Variants in RPS18 observed in about 807,000 individuals in gnomAD.
RPS18 encodes the protein small ribosomal subunit protein uS13.
For synonymous variants in RPS18, 64 were observed against 70.9 expected, an observed-to-expected ratio of 0.90 and a Z score of 0.49; for missense variants, 49 against 200.8, an observed-to-expected ratio of 0.24 and a Z score of 4.57.
intron 2 of RPS18, 100 bp downstream of exon 2, chr6:33,272,826 C>T: frequency 1.3e-6 from 1 of 753,056 alleles, no homozygotes; most frequent in Non-Finnish European, 2.5e-6. Context: ...GAGTCTCATC[C>T]AGATCACCTT....
chr6:33,273,741 C>A (rs905684501), intron 2 of RPS18, among the ~76,000 whole-genome samples: 10 of 152,170 alleles, frequency 6.6e-5, no homozygotes, highest in Admixed American at 5.2e-4. Flanking sequence ...TATATCTCTT[C>A]CCACACCCAT....
chr6:33,275,187 C>G (rs1765542896), intron 2 of RPS18: 1 of 154,164 alleles, frequency 6.5e-6, no homozygotes, highest in Non-Finnish European at 1.5e-5. Context: ...CTCCTAAATG[C>G]AAGAATCAGA....
Position 33,276,207 on chromosome 6 carries a change from G to A in RPS18, c.323G>A (p.Arg108His). Residue 108 changes from arginine (R) to histidine (H), a missense_variant, in exon 5 of 6, where the codon CGT (arginine) becomes CAT (histidine). By Grantham distance (29) the Arg-to-His change is conservative. Transcript: ENST00000439602. Reference sequence around the variant, plus strand: ...GCCAATGGTCTGGACAACAAGCTCCGTGAAGACCTGGAGCGACTGAAGAAG... The same window carrying A: ...GCCAATGGTCTGGACAACAAGCTCCATGAAGACCTGGAGCGACTGAAGAAG... ...VLANGLDNKLREDLERLKKIR... is the reference protein window; with the variant it reads ...VLANGLDNKLHEDLERLKKIR... 6.2e-7 allele frequency: 1 copy of A among 1,614,112 alleles called. No homozygotes were observed. The highest frequency in any genetic ancestry group is 8.5e-7 in the Non-Finnish European group (1 of 1,180,012).
At chr6:33,274,564 A>C (rs1765502569) in intron 2 of RPS18, among the ~76,000 whole-genome samples, 1 of 152,230 alleles carries the variant, frequency 6.6e-6, no homozygotes, top group African/African-American at 2.4e-5. Context: ...CATATAAACT[A>C]AGCAGAAAAT....
intron 4 of RPS18, 36 bp downstream of exon 4, chr6:33,276,102 G>C: frequency 6.2e-7 from 1 of 1,606,552 alleles, no homozygotes; most frequent in Non-Finnish European, 8.5e-7. Flanking sequence ...TAGAGGAAGG[G>C]TGGAGGGTCC....
At position 33,276,350 on chromosome 6, in the gene RPS18, C is replaced by T. The variant is rs768634484; in HGVS notation, c.384-41C>T. On this transcript the variant is annotated intron_variant, in intron 5 of 5. Transcript: ENST00000439602. The stretch of plus-strand genomic sequence containing the variant: ...CTTCTTTTTCCCCAACCTTTTGTTT[C>T]TGCTGTGCATGACCTGTGACTCTTC... 5.6e-6 allele frequency: 9 copies of T among 1,609,428 alleles called. No individual in the cohort carries two copies. In the Admixed American group the frequency reaches 6.7e-5, roughly 12 times the overall value.
At chr6:33,273,254 T>C (rs546190105) in intron 2 of RPS18, among the ~76,000 whole-genome samples, 1 of 152,364 alleles carries the variant, frequency 6.6e-6, no homozygotes, top group Non-Finnish European at 1.5e-5. Flanking sequence ...CCTGTCGAAG[T>C]GTGAAGGAGT....
At position 33,275,873 on chromosome 6, in the gene RPS18, C is replaced by A; in HGVS notation, c.179C>A (p.Thr60Asn). Residue 60 changes from threonine (T) to asparagine (N), a missense_variant, in exon 3 of 6, where the codon ACT (threonine) becomes AAT (asparagine). Transcript: ENST00000439602. Reference protein sequence around the residue: ...IDLTKRAGELTEDEVERVITI... With the variant: ...IDLTKRAGELNEDEVERVITI... Reference sequence around the variant, plus strand: ...CTCACCAAGAGGGCGGGAGAACTCACTGAGGATGAGGTGAGGACAAGGAAG... The same window carrying A: ...CTCACCAAGAGGGCGGGAGAACTCAATGAGGATGAGGTGAGGACAAGGAAG... The A allele has an allele frequency of 6.2e-7, 1 of 1,611,912 alleles. No homozygotes were observed. The highest frequency in any genetic ancestry group is 1.7e-4 in the Middle Eastern group (1 of 6,006).
rs750842071 is a variant in RPS18, at chr6:33,275,891, C to G, written c.189+8C>G. The stretch of plus-strand genomic sequence containing the variant: ...GAACTCACTGAGGATGAGGTGAGGA[C>G]AAGGAAGGGGGCTGGGGGTGGGGTC... On this transcript the variant is annotated splice_region_variant and intron_variant, in intron 3 of 5. Transcript: ENST00000439602. 1 of 1,605,784 alleles carries G rather than the reference C, an allele frequency of 6.2e-7. No homozygotes were observed. The highest frequency in any genetic ancestry group is 8.5e-7 in the Non-Finnish European group (1 of 1,173,220).
intron 1 of RPS18, 112 bp downstream of exon 1, chr6:33,272,234 G>T: frequency 1.6e-6 from 2 of 1,238,000 alleles, no homozygotes; most frequent in Non-Finnish European, 2.3e-6. Context: ...TTTCTGTATG[G>T]AGCCTTGGAT....
At chr6:33,272,283 G>A in intron 1 of RPS18, 161 bp downstream of exon 1, 2 of 827,330 alleles carry the variant, frequency 2.4e-6, no homozygotes, top group South Asian at 1.6e-5. Context: ...TTCCAATTCC[G>A]GAGAGCGGGC....
rs768812883 is a variant in RPS18, at chr6:33,272,088, G to A, written c.-32G>A. ...GTCACTTCCGCTCTCTCTTCCACAGGAGGCCTACACGCCGCCGCTTGTGCT... is the reference window on the plus strand; with the variant it reads ...GTCACTTCCGCTCTCTCTTCCACAGAAGGCCTACACGCCGCCGCTTGTGCT... On this transcript the variant is annotated 5_prime_UTR_variant, in exon 1 of 6. Coordinates refer to ENST00000439602, the MANE Select transcript of RPS18 (RefSeq NM_022551.3). The A allele has an allele frequency of 8.3e-6, 13 of 1,564,696 alleles. No individual in the cohort carries two copies. In the East Asian group the frequency reaches 2.4e-4, roughly 29 times the overall value.
rs1765589082 is a variant in RPS18, at chr6:33,275,785, C to T, written c.103-12C>T. On this transcript the variant is annotated splice_polypyrimidine_tract_variant and intron_variant, in intron 2 of 5. Transcript: ENST00000439602. ...ATTCAACACTAATTCCGAAACCCCT[C>T]ACTTCATTCAGGGTGTGGGCCGAAG... 1 of 1,569,240 alleles carries T rather than the reference C, an allele frequency of 6.4e-7. No individual in the cohort carries two copies.
chr6:33,273,856 C>A (rs1218807934), intron 2 of RPS18, among the ~76,000 whole-genome samples: 1 of 151,796 alleles, frequency 6.6e-6, no homozygotes, highest in Non-Finnish European at 1.5e-5. Context: ...GTCAGGAGTT[C>A]GAGACCAGCC....
chr6:33,275,324 C>CT (rs1765553025), intron 2 of RPS18: 1 of 168,408 alleles, frequency 5.9e-6, no homozygotes, highest in Non-Finnish European at 1.3e-5. Context: ...AACAAAGTTA[C>CT]TTTTTTCTTT....
At chr6:33,272,282 C>A in intron 1 of RPS18, 160 bp downstream of exon 1, 1 of 833,420 alleles carries the variant, frequency 1.2e-6, no homozygotes, top group Non-Finnish European at 1.9e-6. Flanking sequence ...TTTCCAATTC[C>A]GGAGAGCGGG....
At chr6:33,275,633 T>C in intron 2 of RPS18, 164 bp from the exon 3 acceptor site, 1 of 672,394 alleles carries the variant, frequency 1.5e-6, no homozygotes, top group Non-Finnish European at 2.7e-6. Flanking sequence ...GTTAACCTTC[T>C]GTCGAACGGT....
Position 33,272,277 on chromosome 6 carries a change from A to G in RPS18, c.3+155A>G, listed in dbSNP as rs1429318279. 5 of 862,452 alleles carry G rather than the reference A, an allele frequency of 5.8e-6. No individual in the cohort carries two copies. The East Asian group carries it at 8.0e-5, about 14-fold the overall frequency. The allele number at this position is 862,452 out of a possible 1,614,324, so 53.4% of individuals were successfully genotyped here. A position where few individuals can be genotyped will look rare whatever the true frequency, so the allele number is the denominator to read the frequency against. ...CTGGAAAGGGACACCAAAGATTTCC[A>G]ATTCCGGAGAGCGGGCCCGAGGAAG... On this transcript the variant is annotated intron_variant, in intron 1 of 5. Coordinates refer to ENST00000439602, the MANE Select transcript of RPS18 (RefSeq NM_022551.3).
chr6:33,275,013 G>A (rs1162202404), intron 2 of RPS18, among the ~76,000 whole-genome samples: 3 of 152,172 alleles, frequency 2.0e-5, no homozygotes, highest in Non-Finnish European at 4.4e-5. Context: ...ACAAAATTGA[G>A]TTTGTGATCT....
Sources: allele counts gnomAD v4.1 joint callset (sites outside exome capture counted in the v4.1 genomes callset), GRCh38; gene constraint gnomAD v4.1.1; transcripts MANE v1.5; gene names NCBI Gene and HGNC (gene_info 2026-07-23, HGNC 2026-07-21).